Variants in MTMR7 observed in about 807,000 individuals in gnomAD.
MTMR7 encodes the protein phosphatidylinositol-3-phosphate phosphatase MTMR7.
A neutral mutation model predicts 81.2 loss-of-function variants in MTMR7; 76 were observed. The observed-to-expected ratio is 0.94, with a 90% CI of 0.78 to 1.13. The LOEUF is 1.13. Ranked by LOEUF, MTMR7 falls within the 50% of genes most tolerant of loss-of-function variation. MTMR7 has a pLI of 0.00. For synonymous variants in MTMR7, 372 were observed against 289.8 expected (o/e 1.28, Z -2.88); for missense variants, 1,044 against 820.0 (o/e 1.27, Z -3.34).
chr8:17,408,635 A>T (rs1351519783), intron 1 of MTMR7, among the ~76,000 whole-genome samples: 4 of 152,100 alleles, frequency 2.6e-5, no homozygotes, highest in Non-Finnish European at 4.4e-5. Context: ...ATGAGGTAAC[A>T]GAAAGCAAGC....
chr8:17,383,806 T>C (rs888113915), intron 1 of MTMR7, among the ~76,000 whole-genome samples: 1 of 151,626 alleles, frequency 6.6e-6, no homozygotes, highest in Non-Finnish European at 1.5e-5. Context: ...AGGGATTCTC[T>C]GGGCGGAGCT....
intron 13 of MTMR7, 31 bp downstream of exon 13, chr8:17,302,120 CAGA>C: frequency 6.2e-7 from 1 of 1,613,520 alleles, no homozygotes; most frequent in Non-Finnish European, 8.5e-7. Context: ...GAAATAAGCA[CAGA>C]AAATAGATTA....
Position 17,361,288 on chromosome 8 carries a change from T to C in MTMR7, c.311-14A>G. On this transcript the variant is annotated splice_polypyrimidine_tract_variant and intron_variant, in intron 3 of 13. Transcript: ENST00000180173. ...CCTCATATTTCACTGCAAGAAAAGG[T>C]AGGATAAAGTTAAATCAAGCTTAGT... 3 of 1,613,800 alleles carry C rather than the reference T, an allele frequency of 1.9e-6. No homozygotes were observed. Among genetic ancestry groups the C allele is most frequent in the Non-Finnish European group, 2.5e-6 (3 of 1,179,776 alleles).
At chr8:17,326,320 A>G (rs1818675381) in intron 7 of MTMR7, 1 of 152,204 alleles carries the variant, frequency 6.6e-6, no homozygotes, top group Non-Finnish European at 1.5e-5. Context: ...GGCAACAACA[A>G]CTTCAATGAG....
At chr8:17,325,976 T>TA (rs1394172394) in intron 7 of MTMR7, among the ~76,000 whole-genome samples, 1 of 152,244 alleles carries the variant, frequency 6.6e-6, no homozygotes, top group African/African-American at 2.4e-5. Context: ...AAGCACTTTA[T>TA]AGTTTGCAAG....
chr8:17,404,050 G>C (rs772258062), intron 1 of MTMR7, among the ~76,000 whole-genome samples: 25 of 152,106 alleles, frequency 1.6e-4, no homozygotes, highest in Non-Finnish European at 3.5e-4. Flanking sequence ...TTCCAGTTTA[G>C]ATGCTTTCTG....
chr8:17,328,404 T>C (rs1418106633), intron 7 of MTMR7, among the ~76,000 whole-genome samples: 2 of 152,198 alleles, frequency 1.3e-5, no homozygotes, highest in Non-Finnish European at 2.9e-5. Context: ...TTCCAGGCTC[T>C]TCTACGGACT....
At chr8:17,406,597 ACAAAGTTGCTATACGATTCAC>A (rs1165278506) in intron 1 of MTMR7, among the ~76,000 whole-genome samples, 1 of 151,894 alleles carries the variant, frequency 6.6e-6, no homozygotes, top group Non-Finnish European at 1.5e-5. Flanking sequence ...AATGATAACC[ACAAAGTTGCTATACGATTCAC>A]CAAATTCTGT....
At chr8:17,302,129 G>C (rs1029768444) in intron 13 of MTMR7, 25 bp downstream of exon 13, 1 of 1,613,802 alleles carries the variant, frequency 6.2e-7, no homozygotes, top group Non-Finnish European at 8.5e-7. Flanking sequence ...ACAGAAAATA[G>C]ATTAACAAAG....
intron 1 of MTMR7, among the ~76,000 whole-genome samples, chr8:17,412,425 T>C (rs10107495): frequency 0.096 from 14,612 of 151,720 alleles, 2,253 homozygotes; most frequent in African/African-American, 0.32. Context: ...GCCAATAGGG[T>C]TTTTAAGCAT....
Position 17,339,922 on chromosome 8 carries a change from G to T in MTMR7, c.732+1441C>A, listed in dbSNP as rs147909190. Among the ~76,000 whole-genome samples the T allele has an allele frequency of 3.1e-3, 465 of 152,302 alleles. 5 individuals are homozygous for T. The highest frequency in any genetic ancestry group is 9.8e-3 in the African/African-American group (409 of 41,566). ...TTCTCACCCCACAGGAAAAACCACT[G>T]TAAACAGTGTGGTATACATTCTCTC... On this transcript the variant is annotated intron_variant, in intron 6 of 13. Transcript: ENST00000180173.
rs370042544 is a variant in MTMR7 at position 17,364,154 on chromosome 8, G to A, written c.311-2880C>T. ...ACGCCATTCTCCTGCCTCAGCCTCCGGAGTAGCTGGGACTACAGGAGCCCG... is the reference window on the plus strand; with the variant it reads ...ACGCCATTCTCCTGCCTCAGCCTCCAGAGTAGCTGGGACTACAGGAGCCCG... On this transcript the variant is annotated intron_variant, in intron 3 of 13. Coordinates refer to ENST00000180173, the MANE Select transcript of MTMR7 (RefSeq NM_004686.5). 4.2e-4 allele frequency among the ~76,000 whole-genome samples: 62 copies of A among 148,766 alleles called. 1 individual carries two copies. Among genetic ancestry groups the A allele is most frequent in the African/African-American group, 1.4e-3 (56 of 40,534 alleles).
intron 6 of MTMR7, among the ~76,000 whole-genome samples, chr8:17,333,758 A>T (rs1409474336): frequency 6.6e-6 from 1 of 152,112 alleles, no homozygotes; most frequent in Non-Finnish European, 1.5e-5. Flanking sequence ...CAGAGGTGGG[A>T]GGACTGCTTG....
At chr8:17,313,208 G>T in intron 8 of MTMR7, 84 bp downstream of exon 8, 1 of 953,428 alleles carries the variant, frequency 1.0e-6, no homozygotes, top group Non-Finnish European at 1.6e-6. Context: ...TTAAGACAGG[G>T]AAGCCCATGG....
chr8:17,307,280 A>T (rs13267343), intron 10 of MTMR7, among the ~76,000 whole-genome samples: 13 of 152,154 alleles, frequency 8.5e-5, no homozygotes, highest in Non-Finnish European at 1.5e-4. Context: ...AAGACACATG[A>T]AAAAATGCTC....
intron 1 of MTMR7, among the ~76,000 whole-genome samples, chr8:17,384,178 A>T (rs1820853883): frequency 6.6e-6 from 1 of 152,174 alleles, no homozygotes; most frequent in South Asian, 2.1e-4. Context: ...TAGGAGGCTG[A>T]GGCAGGAAGA....
At chr8:17,323,284 C>G (rs1025074402) in intron 7 of MTMR7, among the ~76,000 whole-genome samples, 14 of 152,038 alleles carry the variant, frequency 9.2e-5, no homozygotes, top group African/African-American at 3.4e-4. Flanking sequence ...GTAATGGGCT[C>G]AGATGCTAGC....
At chr8:17,404,247 T>G (rs1032612115) in intron 1 of MTMR7, among the ~76,000 whole-genome samples, 6 of 151,994 alleles carry the variant, frequency 3.9e-5, no homozygotes, top group African/African-American at 1.5e-4. Flanking sequence ...ACTATTGGAA[T>G]AGATATGGGA....
At chr8:17,374,006 G>A (rs1820497525) in intron 1 of MTMR7, among the ~76,000 whole-genome samples, 1 of 152,180 alleles carries the variant, frequency 6.6e-6, no homozygotes, top group Admixed American at 6.5e-5. Context: ...GGTAATTCTA[G>A]TAAGACACAG....
Sources: allele counts gnomAD v4.1 joint callset (sites outside exome capture counted in the v4.1 genomes callset), GRCh38; gene constraint gnomAD v4.1.1; transcripts MANE v1.5; gene names NCBI Gene and HGNC (gene_info 2026-07-23, HGNC 2026-07-21).